CDH9: variants seen among roughly 807,000 people sequenced by gnomAD.
CDH9 encodes cadherin-9.
A neutral mutation model predicts 70.9 loss-of-function variants in CDH9; 28 were observed. That is an observed-to-expected ratio of 0.40 (90% CI 0.29 to 0.54). The LOEUF is 0.54. Ranked by LOEUF, CDH9 falls within the 20% of genes least tolerant of loss-of-function variation. The probability of loss-of-function intolerance (pLI) is 0.59; values close to 1 mark genes in which losing one functional copy is unlikely to be tolerated. For missense variants in CDH9, 874 were observed against 984.4 expected (o/e 0.89, Z 1.50); for synonymous variants, 409 against 343.1 (o/e 1.19, Z -2.12).
chr5:27,007,512 T>C (rs1172373152), intron 1 of CDH9, among the ~76,000 whole-genome samples: 2 of 152,148 alleles, frequency 1.3e-5, no homozygotes, highest in South Asian at 2.1e-4. Context: ...GAGTTTATTA[T>C]GAATTTTTAA....
intron 1 of CDH9, among the ~76,000 whole-genome samples, chr5:26,995,982 T>C (rs868462361): frequency 4.4e-4 from 67 of 152,122 alleles, no homozygotes; most frequent in African/African-American, 1.4e-3. Flanking sequence ...GAGAAAAATG[T>C]CTGCTATTAA....
chr5:26,931,885 T>C (rs1468203008), intron 2 of CDH9, among the ~76,000 whole-genome samples: 1 of 152,004 alleles, frequency 6.6e-6, no homozygotes, highest in Non-Finnish European at 1.5e-5. Flanking sequence ...GAAAAGAATA[T>C]GGCACAGAAG....
intron 2 of CDH9, among the ~76,000 whole-genome samples, chr5:26,931,917 G>A (rs996548371): frequency 5.3e-5 from 8 of 151,974 alleles, no homozygotes; most frequent in Non-Finnish European, 1.0e-4. Flanking sequence ...AAGAGATAAT[G>A]GTGACCTGTT....
At chr5:26,896,304 C>G (rs1471771363) in intron 7 of CDH9, among the ~76,000 whole-genome samples, 1 of 151,610 alleles carries the variant, frequency 6.6e-6, no homozygotes, top group Non-Finnish European at 1.5e-5. Flanking sequence ...GGGAAATTAT[C>G]AGATACAGGA....
intron 1 of CDH9, among the ~76,000 whole-genome samples, chr5:27,007,598 T>C (rs1157519706): frequency 6.6e-6 from 1 of 152,038 alleles, no homozygotes; most frequent in Non-Finnish European, 1.5e-5. Context: ...AAAGCACAAA[T>C]AAATATATAA....
chr5:27,015,207 C>T (rs1041006643), intron 1 of CDH9, among the ~76,000 whole-genome samples: 3 of 151,746 alleles, frequency 2.0e-5, no homozygotes, highest in African/African-American at 4.8e-5. Context: ...TACAAAATCA[C>T]GGAATTCTAC....
chr5:27,024,946 C>T (rs1409785148), intron 1 of CDH9, among the ~76,000 whole-genome samples: 1 of 151,856 alleles, frequency 6.6e-6, no homozygotes, highest in Non-Finnish European at 1.5e-5. Flanking sequence ...TACAATGCAG[C>T]ATATGATTTA....
chr5:27,001,320 A>C (rs1285221054), intron 1 of CDH9, among the ~76,000 whole-genome samples: 3 of 152,124 alleles, frequency 2.0e-5, no homozygotes, highest in Non-Finnish European at 2.9e-5. Context: ...GCACAGAGGC[A>C]CTGGACTCTA....
Position 26,918,727 on chromosome 5 carries a change from T to A in CDH9, c.229-2803A>T, listed in dbSNP as rs73748535. ...CTCTCTTTGCCTATCTGCAAGCCAA[T>A]GTATCAATCTTCTCCTGCCTTTGGA... On this transcript the variant is annotated intron_variant, in intron 2 of 11. Transcript: ENST00000231021. 6.8e-3 allele frequency among the ~76,000 whole-genome samples: 1,041 copies of A among 152,286 alleles called. 15 individuals carry two copies. The highest frequency in any genetic ancestry group is 0.024 in the African/African-American group (993 of 41,552).
chr5:26,919,846 T>G (rs73748538), intron 2 of CDH9, among the ~76,000 whole-genome samples: 3,680 of 152,208 alleles, frequency 0.024, 85 homozygotes, highest in African/African-American at 0.058. Flanking sequence ...ACTCATCATC[T>G]GCTGACTAAA....
chr5:26,906,857 C>G lies in CDH9; in HGVS notation c.524-19G>C. The G allele has an allele frequency of 1.9e-6, 3 of 1,582,798 alleles. No individual in the cohort carries two copies. The highest frequency in any genetic ancestry group is 2.6e-6 in the Non-Finnish European group (3 of 1,161,020). On this transcript the variant is annotated intron_variant, in intron 3 of 11. Transcript: ENST00000231021. ...GATGTACCTACATGAAACCCCCATC[C>G]CCAAACAGAGACATTTACATACTTC...
At position 26,883,124 on chromosome 5, in the gene CDH9, C is replaced by T. The variant is rs888076483; in HGVS notation, c.1883-1501G>A. Among the ~76,000 whole-genome samples the T allele has an allele frequency of 4.3e-4, 56 of 131,122 alleles. 1 individual carries two copies. In the East Asian group the frequency reaches 0.012, roughly 29 times the overall value. 86.0% of individuals were successfully genotyped at this position (131,122 alleles called of 152,430 possible). A position where few individuals can be genotyped will look rare whatever the true frequency, so the allele number is the denominator to read the frequency against. The stretch of plus-strand genomic sequence containing the variant: ...CTGCAGTAAAAATGAGACCTCTGTA[C>T]TCTTCTTTTAAAAGATGGACATAAG... On this transcript the variant is annotated intron_variant, in intron 11 of 11. Transcript: ENST00000231021.
chr5:26,903,821 G>C lies in CDH9; in HGVS notation c.815C>G (p.Thr272Arg). 1 of 1,521,026 alleles carries C rather than the reference G, an allele frequency of 6.6e-7. No individual in the cohort carries two copies. The highest frequency in any genetic ancestry group is 8.9e-7 in the Non-Finnish European group (1 of 1,123,680). The allele number at this position is 1,521,026 out of a possible 1,614,324, so 94.2% of individuals were successfully genotyped here. The change falls in exon 6 of 12, where the codon ACG (threonine) becomes AGG (arginine). Residue 272 changes from threonine (T) to arginine (R), a missense_variant. By Grantham distance (71) the Thr-to-Arg change is moderately conservative (BLOSUM62 -1). Transcript: ENST00000231021. ...NNNPPRFPQSTYQFNSPESVP... is the reference protein window; with the variant it reads ...NNNPPRFPQSRYQFNSPESVP... ...AGACTCAGGAGAATTAAATTGATAC[G>C]TACCTATAAATTAAGTAAGAGCTGT...
At chr5:26,979,301 C>T (rs150117638) in intron 2 of CDH9, among the ~76,000 whole-genome samples, 409 of 151,458 alleles carry the variant, frequency 2.7e-3, no homozygotes, top group Non-Finnish European at 4.3e-3. Context: ...TCAATTTATA[C>T]TGTAACAAAT....
At chr5:26,895,867 C>T (rs1740740664) in intron 7 of CDH9, among the ~76,000 whole-genome samples, 1 of 151,984 alleles carries the variant, frequency 6.6e-6, no homozygotes, top group African/African-American at 2.4e-5. Flanking sequence ...TTGATCGTAG[C>T]AAACAAAACA....
chr5:26,923,453 C>T (rs941621995), intron 2 of CDH9, among the ~76,000 whole-genome samples: 30 of 151,872 alleles, frequency 2.0e-4, no homozygotes, highest in African/African-American at 7.0e-4. Context: ...AAGGGAAAAA[C>T]AGATCTTAAT....
At chr5:26,978,939 T>C (rs1332848623) in intron 2 of CDH9, among the ~76,000 whole-genome samples, 1 of 151,776 alleles carries the variant, frequency 6.6e-6, no homozygotes, top group Non-Finnish European at 1.5e-5. Context: ...ATAAAGATAT[T>C]TCTATTAACG....
At chr5:26,916,907 C>T (rs1257160061) in intron 2 of CDH9, among the ~76,000 whole-genome samples, 2 of 151,850 alleles carry the variant, frequency 1.3e-5, no homozygotes, top group Non-Finnish European at 2.9e-5. Flanking sequence ...TGTCCTCTGG[C>T]CATATGAACT....
intron 2 of CDH9, among the ~76,000 whole-genome samples, chr5:26,918,508 T>C (rs536223028): frequency 1.3e-5 from 2 of 152,224 alleles, no homozygotes; most frequent in Non-Finnish European, 2.9e-5. Context: ...TTTCCTCTTT[T>C]TAAAACTAAC....
Sources: allele counts gnomAD v4.1 joint callset (sites outside exome capture counted in the v4.1 genomes callset), GRCh38; gene constraint gnomAD v4.1.1; transcripts MANE v1.5; gene names NCBI Gene and HGNC (gene_info 2026-07-23, HGNC 2026-07-21).